The following SFXN1 variants were observed in gnomAD, a reference collection of about 807,000 sequenced individuals.
SFXN1 encodes sideroflexin-1.
Under a neutral mutation model 39.5 loss-of-function variants are expected in SFXN1, and 32 were observed. The ratio of observed to expected loss-of-function variants is 0.81; its 90% CI spans 0.61 to 1.09. The LOEUF is 1.09. Among genes scored for constraint, SFXN1 ranks in the 50% least tolerant of loss-of-function variants. The pLI is 0.00. For synonymous variants in SFXN1, 136 were observed against 146.5 expected, an observed-to-expected ratio of 0.93 and a Z score of 0.52; for missense variants, 402 against 407.1, an observed-to-expected ratio of 0.99 and a Z score of 0.11.
chr5:175,485,408 G>T (rs1279336023), intron 1 of SFXN1, among the ~76,000 whole-genome samples: 1 of 152,142 alleles, frequency 6.6e-6, no homozygotes, highest in African/African-American at 2.4e-5. Flanking sequence ...GCTGCTAGGG[G>T]CTGCAGCTCA....
In SFXN1 at chr5:175,526,896, G is replaced by C; in HGVS notation, c.*162G>C. 1 of 633,320 alleles carries C rather than the reference G, an allele frequency of 1.6e-6. No homozygotes were observed. The allele number at this position is 633,320 out of a possible 1,614,324, so 39.2% of individuals were successfully genotyped here. Reference sequence around the variant, plus strand: ...AAGCTGCTACTTTAACAGAGCACCTGGCGTGGGCCAAGTGCCTGATACTCC... The same window carrying C: ...AAGCTGCTACTTTAACAGAGCACCTCGCGTGGGCCAAGTGCCTGATACTCC... On this transcript the variant is annotated 3_prime_UTR_variant, in exon 11 of 11. Transcript: ENST00000321442.
chr5:175,512,212 A>G lies in SFXN1; in HGVS notation c.596+16A>G. ...TGAGGCAAAGGTAAGACGAATATGC[A>G]CTCTTAGTAGGGACATGTGCTTGAC... On this transcript the variant is annotated intron_variant, in intron 6 of 10. Transcript: ENST00000321442. 1 of 1,606,990 alleles carries G rather than the reference A, an allele frequency of 6.2e-7. No homozygotes were observed. The highest frequency in any genetic ancestry group is 8.5e-7 in the Non-Finnish European group (1 of 1,173,978).
chr5:175,504,909 T>C (rs1178860592), intron 2 of SFXN1, among the ~76,000 whole-genome samples: 2 of 151,974 alleles, frequency 1.3e-5, no homozygotes, highest in African/African-American at 2.4e-5. Flanking sequence ...TTTGTATTTT[T>C]AGTAGAGACG....
chr5:175,500,601 G>T (rs2113303256), intron 2 of SFXN1, among the ~76,000 whole-genome samples: 1 of 152,170 alleles, frequency 6.6e-6, no homozygotes, highest in African/African-American at 2.4e-5. Flanking sequence ...ACCCCAGCAG[G>T]CTCTTTTTAG....
chr5:175,509,289 AG>A, intron 3 of SFXN1, 87 bp downstream of exon 3: 1 of 1,355,454 alleles, frequency 7.4e-7, no homozygotes, highest in Non-Finnish European at 1.0e-6. Context: ...TGTTGAAATA[AG>A]TATTATTTCA....
chr5:175,521,599 C>T (rs2113360347), intron 8 of SFXN1, among the ~76,000 whole-genome samples: 1 of 152,290 alleles, frequency 6.6e-6, no homozygotes, highest in Middle Eastern at 3.4e-3. Context: ...GTCCTACCTC[C>T]CCAGCCAGGG....
intron 2 of SFXN1, among the ~76,000 whole-genome samples, chr5:175,494,221 G>A (rs1335067148): frequency 6.6e-6 from 1 of 152,100 alleles, no homozygotes; most frequent in Non-Finnish European, 1.5e-5. Context: ...CCCACACATG[G>A]CAATTTTTTT....
chr5:175,511,174 T>G (rs1032446053), intron 4 of SFXN1, among the ~76,000 whole-genome samples: 5 of 152,198 alleles, frequency 3.3e-5, no homozygotes, highest in African/African-American at 9.7e-5. Context: ...AAAGTCTGTA[T>G]GTTTATTTAT....
chr5:175,491,285 T>C (rs974229453), intron 1 of SFXN1, among the ~76,000 whole-genome samples: 22 of 152,192 alleles, frequency 1.4e-4, no homozygotes, highest in Non-Finnish European at 2.4e-4. Context: ...TGGTGGTTTA[T>C]GTGCTAAACA....
chr5:175,525,102 G>T (rs1761018895), intron 10 of SFXN1, among the ~76,000 whole-genome samples: 1 of 152,120 alleles, frequency 6.6e-6, no homozygotes, highest in Non-Finnish European at 1.5e-5. Flanking sequence ...AACTCTCCTG[G>T]AAGATAAAAA....
chr5:175,484,359 C>T (rs1390029256), intron 1 of SFXN1, among the ~76,000 whole-genome samples: 1 of 152,260 alleles, frequency 6.6e-6, no homozygotes, highest in African/African-American at 2.4e-5. Context: ...ACCCCCACCC[C>T]ATGACCTCGT....
rs562686651 is a variant in SFXN1 at position 175,501,290 on chromosome 5, G to A, written c.165-7742G>A. 1.4e-3 allele frequency among the ~76,000 whole-genome samples: 219 copies of A among 152,022 alleles called. 1 individual carries two copies. The highest frequency in any genetic ancestry group is 2.2e-3 in the Non-Finnish European group (150 of 67,970). On this transcript the variant is annotated intron_variant, in intron 2 of 10. Coordinates refer to ENST00000321442, the MANE Select transcript of SFXN1 (RefSeq NM_022754.7). ...TCACTGTGTTAGCCAGGATGGTCTC[G>A]ATCTCCTGACCTCGTTATCCGCCCG...
intron 8 of SFXN1, 126 bp from the exon 9 acceptor site, chr5:175,521,793 A>G (rs572799295): frequency 2.7e-6 from 2 of 735,618 alleles, no homozygotes; most frequent in Middle Eastern, 2.6e-4. Context: ...ATTTCCCCCA[A>G]ATTTCACTAA....
At chr5:175,487,452 A>G (rs1759492521) in intron 1 of SFXN1, among the ~76,000 whole-genome samples, 1 of 152,146 alleles carries the variant, frequency 6.6e-6, no homozygotes, top group South Asian at 2.1e-4. Context: ...ACCGGCTACC[A>G]AGGTGTCTTC....
intron 1 of SFXN1, among the ~76,000 whole-genome samples, chr5:175,483,302 AT>A (rs1759324378): frequency 6.6e-6 from 1 of 152,156 alleles, no homozygotes; most frequent in Admixed American, 6.5e-5. Context: ...CCTCAAAGTC[AT>A]TTTTCTTCTT....
chr5:175,507,626 T>G (rs1284564062), intron 2 of SFXN1, among the ~76,000 whole-genome samples: 2 of 152,338 alleles, frequency 1.3e-5, no homozygotes, highest in African/African-American at 4.8e-5. Flanking sequence ...AATACGTGCT[T>G]CTTTGATAAA....
intron 5 of SFXN1, 86 bp downstream of exon 5, chr5:175,511,612 A>G: frequency 9.7e-7 from 1 of 1,029,020 alleles, no homozygotes; most frequent in South Asian, 1.4e-5. Flanking sequence ...TTCTTAAACT[A>G]GTTCAAGTCA....
chr5:175,499,089 T>C lies in SFXN1; in HGVS notation c.164+6822T>C, dbSNP rs553626672. ...GGCCAACATGGTAAAACCCCATCTC[T>C]ACTAAAAATACAGAAATTAGCCGAG... is the stretch of plus-strand genomic sequence containing the variant. On this transcript the variant is annotated intron_variant, in intron 2 of 10. Coordinates refer to ENST00000321442, the MANE Select transcript of SFXN1 (RefSeq NM_022754.7). Among the ~76,000 whole-genome samples the C allele has an allele frequency of 1.1e-4, 17 of 152,176 alleles. No individual in the cohort carries two copies. The South Asian group carries it at 3.5e-3, about 32-fold the overall frequency.
chr5:175,499,233 C>A (rs1039582687), intron 2 of SFXN1, among the ~76,000 whole-genome samples: 2 of 150,002 alleles, frequency 1.3e-5, no homozygotes, highest in African/African-American at 4.9e-5. Flanking sequence ...CCAGCCTGGG[C>A]AACAGAGTGA....
Sources: gnomAD v4.1 joint callset for allele counts (sites outside exome capture counted in the v4.1 genomes callset) on GRCh38, gnomAD v4.1.1 for gene constraint, MANE v1.5 for transcripts, NCBI Gene and HGNC (gene_info 2026-07-23, HGNC 2026-07-21) for gene names.